CNTN1: variants seen among roughly 807,000 people sequenced by gnomAD.
CNTN1 encodes the protein contactin-1.
A neutral mutation model predicts 126.4 loss-of-function variants in CNTN1; 38 were observed. That is an observed-to-expected ratio of 0.30 (90% CI 0.23 to 0.39). The LOEUF is 0.39. Among genes scored for constraint, CNTN1 ranks in the 10% least tolerant of loss-of-function variants. The pLI is 1.00. For synonymous variants in CNTN1, 413 were observed against 422.6 expected, an observed-to-expected ratio of 0.98 and a Z score of 0.28; for missense variants, 1,009 against 1,248.4, an observed-to-expected ratio of 0.81 and a Z score of 2.89.
Position 40,838,458 on chromosome 12 carries a change from C to T in CNTN1, c.-76-69899C>T, listed in dbSNP as rs79455563. On this transcript the variant is annotated intron_variant, in intron 1 of 23. Transcript: ENST00000551295. Reference sequence around the variant, plus strand: ...TGCCACTACTGGAATCTGAGCAAGACATCTGGAGTTTCAAGAGTCAGCCCT... The same window carrying T: ...TGCCACTACTGGAATCTGAGCAAGATATCTGGAGTTTCAAGAGTCAGCCCT... Among the ~76,000 whole-genome samples the T allele has an allele frequency of 8.4e-4, 128 of 152,292 alleles. 3 individuals are homozygous for T. The East Asian group carries it at 0.02, about 24-fold the overall frequency.
intron 1 of CNTN1, among the ~76,000 whole-genome samples, chr12:40,900,864 A>G (rs746660565): frequency 3.9e-5 from 6 of 152,214 alleles, no homozygotes; most frequent in Non-Finnish European, 7.3e-5. Flanking sequence ...AAGATAAAAC[A>G]TGGTAGATAG....
intron 1 of CNTN1, among the ~76,000 whole-genome samples, chr12:40,756,233 A>G (rs1484390549): frequency 6.6e-6 from 1 of 152,052 alleles, no homozygotes; most frequent in Non-Finnish European, 1.5e-5. Flanking sequence ...AGTAGGATCT[A>G]TGGATTTTAG....
chr12:41,043,488 G>A (rs1949468776), intron 23 of CNTN1, among the ~76,000 whole-genome samples: 2 of 152,134 alleles, frequency 1.3e-5, no homozygotes, highest in Non-Finnish European at 2.9e-5. Context: ...TCATTAAAAA[G>A]TCAGGAAACA....
chr12:41,045,534 C>T (rs1949522693), intron 23 of CNTN1, among the ~76,000 whole-genome samples: 1 of 151,992 alleles, frequency 6.6e-6, no homozygotes, highest in South Asian at 2.1e-4. Context: ...GCCTTTAATG[C>T]CATAGTAAGA....
intron 21 of CNTN1, among the ~76,000 whole-genome samples, chr12:41,025,674 A>T (rs942841718): frequency 6.6e-5 from 10 of 152,214 alleles, no homozygotes; most frequent in Non-Finnish European, 1.2e-4. Flanking sequence ...ACAGCATGTG[A>T]AAACTAAAAT....
At chr12:41,047,711 T>TC (rs1166607312) in intron 23 of CNTN1, among the ~76,000 whole-genome samples, 2 of 152,144 alleles carry the variant, frequency 1.3e-5, no homozygotes, top group Non-Finnish European at 2.9e-5. Flanking sequence ...TTCTCTTTTA[T>TC]ACTTCTTTCA....
At chr12:40,842,005 A>C (rs1358104044) in intron 1 of CNTN1, among the ~76,000 whole-genome samples, 1 of 151,964 alleles carries the variant, frequency 6.6e-6, no homozygotes, top group Non-Finnish European at 1.5e-5. Flanking sequence ...TTTTTTAAAA[A>C]AAGAAATAAA....
chr12:40,856,375 G>T (rs1235663052), intron 1 of CNTN1, among the ~76,000 whole-genome samples: 1 of 152,106 alleles, frequency 6.6e-6, no homozygotes, highest in Non-Finnish European at 1.5e-5. Context: ...ATGTATAAAA[G>T]TTCTAGAAGT....
At chr12:40,716,580 CTG>C (rs1200889431) in intron 1 of CNTN1, among the ~76,000 whole-genome samples, 1 of 152,214 alleles carries the variant, frequency 6.6e-6, no homozygotes, top group African/African-American at 2.4e-5. Context: ...TATCTAGAGA[CTG>C]AGACACTAGC....
intron 1 of CNTN1, among the ~76,000 whole-genome samples, chr12:40,750,242 C>T (rs919455521): frequency 7.2e-5 from 11 of 151,868 alleles, no homozygotes; most frequent in Non-Finnish European, 8.8e-5. Context: ...ATCAGGTTTG[C>T]ATGATGATGA....
intron 17 of CNTN1, among the ~76,000 whole-genome samples, chr12:41,013,153 T>G (rs1053730871): frequency 1.3e-5 from 2 of 152,172 alleles, no homozygotes; most frequent in Non-Finnish European, 2.9e-5. Context: ...GATGTTTACA[T>G]AGTGCGTGGG....
intron 1 of CNTN1, among the ~76,000 whole-genome samples, chr12:40,840,872 C>A (rs1942250681): frequency 6.7e-6 from 1 of 150,364 alleles, no homozygotes; most frequent in Non-Finnish European, 1.5e-5. Flanking sequence ...ATCAAAAAAG[C>A]AGAAAAATTC....
chr12:40,904,489 C>T (rs1348403227), intron 1 of CNTN1, among the ~76,000 whole-genome samples: 1 of 151,330 alleles, frequency 6.6e-6, no homozygotes, highest in Non-Finnish European at 1.5e-5. Flanking sequence ...AGTACAGTGG[C>T]ATGATCTCCA....
intron 1 of CNTN1, among the ~76,000 whole-genome samples, chr12:40,713,267 T>C (rs938966594): frequency 4.0e-5 from 6 of 151,668 alleles, no homozygotes; most frequent in South Asian, 2.1e-4. Context: ...AAGTGATTTA[T>C]GTCATCTAGA....
At chr12:40,873,282 A>G (rs1453261455) in intron 1 of CNTN1, among the ~76,000 whole-genome samples, 1 of 152,202 alleles carries the variant, frequency 6.6e-6, no homozygotes. Flanking sequence ...TATATTCCTG[A>G]AAATTTTAGC....
chr12:40,805,208 C>A (rs1397472428), intron 1 of CNTN1, among the ~76,000 whole-genome samples: 1 of 151,882 alleles, frequency 6.6e-6, no homozygotes, highest in Non-Finnish European at 1.5e-5. Flanking sequence ...GTATTTTCTT[C>A]TTTTTGGAAC....
intron 15 of CNTN1, among the ~76,000 whole-genome samples, chr12:40,969,428 G>T (rs977331492): frequency 3.3e-5 from 5 of 152,134 alleles, no homozygotes; most frequent in African/African-American, 1.2e-4. Flanking sequence ...GAGAGAGAAA[G>T]AAATGTTTAA....
chr12:40,989,609 G>A (rs572942793), intron 16 of CNTN1, among the ~76,000 whole-genome samples: 30 of 152,226 alleles, frequency 2.0e-4, no homozygotes, highest in African/African-American at 7.2e-4. Context: ...TATAGACAAA[G>A]CTATGCTTCT....
At chr12:40,888,200 T>C (rs1211890265) in intron 1 of CNTN1, among the ~76,000 whole-genome samples, 1 of 152,184 alleles carries the variant, frequency 6.6e-6, no homozygotes, top group East Asian at 1.9e-4. Flanking sequence ...TAATTTATAG[T>C]GATAAATCAG....
Sources: allele counts gnomAD v4.1 joint callset (sites outside exome capture counted in the v4.1 genomes callset), GRCh38; gene constraint gnomAD v4.1.1; transcripts MANE v1.5; gene names NCBI Gene and HGNC (gene_info 2026-07-23, HGNC 2026-07-21).